The following NRXN3 variants were observed in gnomAD, a reference collection of about 807,000 sequenced individuals.
The protein encoded by NRXN3 is neurexin III.
NRXN3 carries 32 observed loss-of-function variants against 137.6 expected under a neutral mutation model. The observed-to-expected ratio is 0.23, with a 90% CI of 0.18 to 0.31. The LOEUF (loss-of-function observed/expected upper bound fraction) is 0.31. Among genes scored for constraint, NRXN3 ranks in the 10% least tolerant of loss-of-function variants. The pLI, the probability that NRXN3 is intolerant of heterozygous loss-of-function variation, is 1.00. For synonymous variants in NRXN3, 798 were observed against 784.5 expected (o/e 1.02, Z -0.29); for missense variants, 1,574 against 2,062.5 (o/e 0.76, Z 4.59).
intron 2 of NRXN3, 138 bp from the exon 3 acceptor site, chr14:78,278,507 C>T (rs1385408678): frequency 4.1e-6 from 3 of 728,944 alleles, no homozygotes; most frequent in Non-Finnish European, 4.7e-6. Flanking sequence ...AGCTGAGTAC[C>T]TCTGGGGCTT....
At chr14:79,555,445 C>T (rs950003757) in intron 16 of NRXN3, among the ~76,000 whole-genome samples, 4 of 151,998 alleles carry the variant, frequency 2.6e-5, no homozygotes, top group African/African-American at 9.7e-5. Flanking sequence ...TATGAGATGC[C>T]GGGAATACAG....
chr14:79,498,177 A>T (rs1451880247), intron 16 of NRXN3, among the ~76,000 whole-genome samples: 5 of 152,206 alleles, frequency 3.3e-5, no homozygotes, highest in African/African-American at 1.2e-4. Flanking sequence ...GTTCTATGAG[A>T]AAAGGGCTAA....
chr14:79,684,488 A>G (rs189046009), intron 17 of NRXN3, among the ~76,000 whole-genome samples: 68 of 152,308 alleles, frequency 4.5e-4, no homozygotes, highest in African/African-American at 1.6e-3. Flanking sequence ...AGGATGGTCT[A>G]AAATGTCTAC....
intron 4 of NRXN3, among the ~76,000 whole-genome samples, chr14:78,438,485 A>G (rs1248082929): frequency 1.3e-5 from 2 of 152,202 alleles, no homozygotes; most frequent in African/African-American, 2.4e-5. Context: ...GTGGCCTGGT[A>G]TAAGAGAACA....
chr14:79,393,214 G>A (rs958928810), intron 15 of NRXN3, among the ~76,000 whole-genome samples: 1 of 151,950 alleles, frequency 6.6e-6, no homozygotes, highest in Non-Finnish European at 1.5e-5. Flanking sequence ...TGTAATTACA[G>A]CAGAGCAAAT....
intron 10 of NRXN3, among the ~76,000 whole-genome samples, chr14:78,934,759 G>A (rs972013998): frequency 2.0e-5 from 3 of 151,916 alleles, no homozygotes; most frequent in East Asian, 1.9e-4. Context: ...GAATTGAACA[G>A]TGAGAACACA....
chr14:79,429,552 A>C (rs2095711883), intron 15 of NRXN3, among the ~76,000 whole-genome samples: 1 of 152,188 alleles, frequency 6.6e-6, no homozygotes, highest in African/African-American at 2.4e-5. Context: ...TAATTTCATA[A>C]AGTGTAACTC....
intron 4 of NRXN3, among the ~76,000 whole-genome samples, chr14:78,491,096 G>A (rs1384531110): frequency 6.6e-6 from 1 of 152,156 alleles, no homozygotes; most frequent in Non-Finnish European, 1.5e-5. Flanking sequence ...GCTGCTGCCG[G>A]TCGGCTGGGA....
At chr14:78,365,650 G>C (rs2085816064) in intron 4 of NRXN3, among the ~76,000 whole-genome samples, 1 of 152,144 alleles carries the variant, frequency 6.6e-6, no homozygotes, top group Non-Finnish European at 1.5e-5. Flanking sequence ...TGCCAGTCTT[G>C]ATCAGAGTGG....
chr14:78,683,426 G>A (rs142998339), intron 6 of NRXN3, among the ~76,000 whole-genome samples: 229 of 152,298 alleles, frequency 1.5e-3, no homozygotes, highest in African/African-American at 5.4e-3. Flanking sequence ...TTTGAGTTAC[G>A]AGATCAGAGC....
At chr14:78,979,114 G>A (rs909598310) in intron 14 of NRXN3, among the ~76,000 whole-genome samples, 3 of 151,916 alleles carry the variant, frequency 2.0e-5, no homozygotes, top group Non-Finnish European at 4.4e-5. Flanking sequence ...TACTCACACT[G>A]GGGACCATCT....
intron 15 of NRXN3, among the ~76,000 whole-genome samples, chr14:79,032,978 A>G (rs997406240): frequency 2.6e-5 from 4 of 152,124 alleles, no homozygotes; most frequent in African/African-American, 9.7e-5. Flanking sequence ...TGGCACCTTC[A>G]ATTAATGTTA....
At chr14:78,314,878 G>GTTCT (rs1409658615) in intron 4 of NRXN3, among the ~76,000 whole-genome samples, 14 of 75,238 alleles carry the variant, frequency 1.9e-4, no homozygotes, top group African/African-American at 6.8e-4. Context: ...TTTCTTTTCC[G>GTTCT]TTCTTTCTTT....
chr14:78,174,418 T>G (rs2059063334), intron 1 of NRXN3, among the ~76,000 whole-genome samples: 2 of 152,102 alleles, frequency 1.3e-5, no homozygotes, highest in Non-Finnish European at 2.9e-5. Context: ...GTTGGGAGGA[T>G]GGAACAATGT....
chr14:78,225,952 G>GGTGTGTGTGTGTGT (rs5809869), intron 1 of NRXN3, among the ~76,000 whole-genome samples: 4 of 124,768 alleles, frequency 3.2e-5, no homozygotes, highest in African/African-American at 9.9e-5. Flanking sequence ...GTGTTTTTTT[G>GGTGTGTGTGTGTGT]GTGTGTGTGT....
In NRXN3 at chr14:78,226,337, G is replaced by T. The variant is rs144793476; in HGVS notation, c.-703-16054G>T. Among the ~76,000 whole-genome samples, 86 of 152,256 alleles carry T rather than the reference G, an allele frequency of 5.6e-4. 1 individual carries two copies. In the East Asian group the frequency reaches 0.016, roughly 28 times the overall value. On this transcript the variant is annotated intron_variant, in intron 1 of 20. Coordinates refer to ENST00000335750, the MANE Select transcript of NRXN3 (RefSeq NM_001330195.2). ...GGTATTTATTAGAGGTTTGTTGAAT[G>T]AATGAATAAGGGCGCGTTGTGTTGA...
intron 19 of NRXN3, among the ~76,000 whole-genome samples, chr14:79,776,356 G>A (rs553464677): frequency 3.3e-5 from 5 of 152,222 alleles, no homozygotes; most frequent in Admixed American, 6.5e-5. Context: ...ACCAAATTGA[G>A]GCTGTAAAGA....
chr14:79,441,775 G>C (rs1234634661), intron 15 of NRXN3, among the ~76,000 whole-genome samples: 1 of 151,656 alleles, frequency 6.6e-6, no homozygotes, highest in African/African-American at 2.4e-5. Context: ...CACACACACA[G>C]TATGTGTGTG....
chr14:79,861,841 C>A lies in NRXN3; in HGVS notation c.4593C>A (p.Asp1531Glu). 1 of 1,614,050 alleles carries A rather than the reference C, an allele frequency of 6.2e-7. No homozygotes were observed. The highest frequency in any genetic ancestry group is 1.1e-5 in the South Asian group (1 of 91,076). ...GGGACGAGGGGTCCTATCAAGTGGA[C>A]GAGACGCGGAACTACATCAGCAACT... ...RNRDEGSYQV[D>E]ETRNYISNSA... The change falls in exon 21 of 21, where the codon GAC (aspartate) becomes GAA (glutamate). Residue 1531 changes from aspartate to glutamate, a missense_variant. Asp to Glu is a conservative substitution (Grantham distance 45). Coordinates refer to ENST00000335750, the MANE Select transcript of NRXN3 (RefSeq NM_001330195.2). This position sits in a 1 kb window ranked among gnomAD's most constrained non-coding sequence, Gnocchi z 5.4.
Sources: allele counts gnomAD v4.1 joint callset (sites outside exome capture counted in the v4.1 genomes callset), GRCh38; gene constraint gnomAD v4.1.1; non-coding constraint Gnocchi (gnomAD v3.1); transcripts MANE v1.5; gene names NCBI Gene and HGNC (gene_info 2026-07-23, HGNC 2026-07-21).